TENT5D: variants seen among roughly 807,000 people sequenced by gnomAD.
TENT5D encodes the protein cancer/testis antigen 112.
For missense variants in TENT5D, 191 were observed against 287.0 expected (o/e 0.67, Z 2.42); for synonymous variants, 103 against 100.6 (o/e 1.02, Z -0.15).
exon 3 of TENT5D, chrX:80,442,761 C>T (rs375284666): frequency 3.3e-6 from 4 of 1,210,997 alleles, no homozygotes; most frequent in East Asian, 3.0e-5. Flanking sequence ...TACTTGCAAG[C>T]CACAATGGAA....
At chrX:80,433,734 T>C (rs1178994671) in intron 1 of TENT5D, among the ~76,000 whole-genome samples, 3 of 111,887 alleles carry the variant, frequency 2.7e-5, no homozygotes, top group Non-Finnish European at 5.6e-5. Context: ...TTAGTATGGT[T>C]CCACCTACAT....
chrX:80,432,844 G>C (rs73500691), intron 1 of TENT5D, among the ~76,000 whole-genome samples: 1 of 110,637 alleles, frequency 9.0e-6, no homozygotes, highest in African/African-American at 3.3e-5. Context: ...GGGGTCCGGG[G>C]TTTTTATGGA....
intron 3 of TENT5D, among the ~76,000 whole-genome samples, chrX:80,389,955 A>AG (rs1931094296): frequency 8.9e-6 from 1 of 111,884 alleles, no homozygotes; most frequent in Admixed American, 9.5e-5. Flanking sequence ...AGAGTGGGAA[A>AG]GGATGAAACT....
chrX:80,410,401 AAAAC>A (rs1418556016), intron 3 of TENT5D, among the ~76,000 whole-genome samples: 6 of 82,365 alleles, frequency 7.3e-5, no homozygotes, highest in East Asian at 7.6e-4. Context: ...TTACAAGAAA[AAAAC>A]AAACAACCCC....
rs1462020804 is a variant in TENT5D at position 80,412,707 on chromosome X, A to G, written c.-141-25903A>G. 2.7e-5 allele frequency among the ~76,000 whole-genome samples: 3 copies of G among 111,606 alleles called. No homozygotes were observed. The Admixed American group carries it at 2.9e-4, about 11-fold the overall frequency. ...TTCTCTAGTTCCTAACAAGTTCCTC[A>G]TCCCCATCTGAGACCACCTCAGCCT... On this transcript the variant is annotated intron_variant, in intron 3 of 4. Coordinates refer to the TENT5D transcript ENST00000538312.
At chrX:80,383,418 T>C (rs1453069026) in intron 3 of TENT5D, among the ~76,000 whole-genome samples, 1 of 112,028 alleles carries the variant, frequency 8.9e-6, no homozygotes, top group Non-Finnish European at 1.9e-5. Context: ...TTCTTTCTTC[T>C]AGAAAAGAAG....
chrX:80,347,789 G>T (rs1189770270), intron 3 of TENT5D, among the ~76,000 whole-genome samples: 1 of 111,760 alleles, frequency 8.9e-6, no homozygotes, highest in Non-Finnish European at 1.9e-5. Flanking sequence ...TTTCTTCTAT[G>T]GTTTTTATAG....
In TENT5D at chrX:80,430,506, G is replaced by T. The variant is rs73630386; in HGVS notation, c.-141-8104G>T. ...TTGGCTGATATGACTGCCAAGAAGG[G>T]CAGGATTAATTTTACAATGCTTATA... On this transcript the variant is annotated intron_variant, in intron 1 of 2. Transcript: ENST00000308293. 4.3e-3 allele frequency among the ~76,000 whole-genome samples: 480 copies of T among 111,552 alleles called. 2 individuals are homozygous for T. The highest frequency in any genetic ancestry group is 0.015 in the African/African-American group (447 of 30,652).
chrX:80,398,417 CTGTT>C (rs1166253085), intron 3 of TENT5D, among the ~76,000 whole-genome samples: 1 of 111,634 alleles, frequency 9.0e-6, no homozygotes, highest in Non-Finnish European at 1.9e-5. Flanking sequence ...TGATATAATC[CTGTT>C]TGTTTTTTAT....
At chrX:80,340,905 A>G (rs1929945236) in intron 2 of TENT5D, among the ~76,000 whole-genome samples, 1 of 112,506 alleles carries the variant, frequency 8.9e-6, no homozygotes, top group African/African-American at 3.2e-5. Flanking sequence ...AATGATGACA[A>G]TAGCAACAGA....
intron 3 of TENT5D, among the ~76,000 whole-genome samples, chrX:80,350,237 G>A (rs1289664577): frequency 9.0e-6 from 1 of 111,029 alleles, no homozygotes; most frequent in Non-Finnish European, 1.9e-5. Flanking sequence ...GCCTAATATT[G>A]ACAGTGGGGC....
chrX:80,404,113 C>G (rs1185277418), intron 3 of TENT5D, among the ~76,000 whole-genome samples: 1 of 111,539 alleles, frequency 9.0e-6, no homozygotes, highest in Admixed American at 9.5e-5. Context: ...TTCAGTGAAT[C>G]TGTGTTTAAT....
At chrX:80,432,903 T>C (rs927470378) in intron 1 of TENT5D, among the ~76,000 whole-genome samples, 2 of 110,558 alleles carry the variant, frequency 1.8e-5, no homozygotes, top group East Asian at 2.9e-4. Flanking sequence ...TTACAGAAAG[T>C]GTGATTAAGT....
chrX:80,364,312 A>C (rs1166230759), intron 3 of TENT5D, among the ~76,000 whole-genome samples: 1 of 111,482 alleles, frequency 9.0e-6, no homozygotes, highest in Non-Finnish European at 1.9e-5. Flanking sequence ...TCTTTACTCC[A>C]CGTGCAGTAA....
At chrX:80,381,501 C>A (rs1158663144) in intron 3 of TENT5D, among the ~76,000 whole-genome samples, 1 of 111,646 alleles carries the variant, frequency 9.0e-6, no homozygotes, top group Non-Finnish European at 1.9e-5. Context: ...TGAATGTTGA[C>A]CTGCCTTGCT....
intron 1 of TENT5D, among the ~76,000 whole-genome samples, chrX:80,432,463 C>T (rs909537789): frequency 2.7e-5 from 3 of 111,805 alleles, no homozygotes; most frequent in Non-Finnish European, 5.6e-5. Context: ...TTAAGTCTGG[C>T]AGTCACACTA....
intron 3 of TENT5D, among the ~76,000 whole-genome samples, chrX:80,356,792 G>C (rs1930293763): frequency 9.0e-6 from 1 of 111,053 alleles, no homozygotes; most frequent in South Asian, 3.8e-4. Flanking sequence ...TTAAGTTTTA[G>C]GGTACATGTG....
At chrX:80,371,547 T>C (rs369524393) in intron 3 of TENT5D, among the ~76,000 whole-genome samples, 1 of 112,267 alleles carries the variant, frequency 8.9e-6, no homozygotes, top group Non-Finnish European at 1.9e-5. Context: ...TTTTGTTTAG[T>C]GTAGCCACCT....
chrX:80,356,615 C>A (rs182709665), intron 3 of TENT5D, among the ~76,000 whole-genome samples: 2 of 111,025 alleles, frequency 1.8e-5, no homozygotes, highest in African/African-American at 6.5e-5. Context: ...ATTATCCTAA[C>A]GCAAAAGATT....
Sources: gnomAD v4.1 joint callset for allele counts (sites outside exome capture counted in the v4.1 genomes callset) on GRCh38, gnomAD v4.1.1 for gene constraint, MANE v1.5 for transcripts, NCBI Gene and HGNC (gene_info 2026-07-23, HGNC 2026-07-21) for gene names.